Variants in GRK5 observed in about 807,000 individuals in gnomAD.
The protein encoded by GRK5 is g protein-coupled receptor kinase GRK5.
A neutral mutation model predicts 78.4 loss-of-function variants in GRK5; 40 were observed. The ratio of observed to expected loss-of-function variants is 0.51; its 90% CI spans 0.40 to 0.66. The LOEUF (loss-of-function observed/expected upper bound fraction) is 0.66, where lower values mean the gene tolerates loss of function less well. Ranked by LOEUF, GRK5 falls within the 30% of genes least tolerant of loss-of-function variation. GRK5 has a pLI of 0.00. For synonymous variants in GRK5, 289 were observed against 296.8 expected, an observed-to-expected ratio of 0.97 and a Z score of 0.27; for missense variants, 598 against 759.9, an observed-to-expected ratio of 0.79 and a Z score of 2.50.
intron 6 of GRK5, among the ~76,000 whole-genome samples, chr10:119,427,224 C>T (rs1439236811): frequency 2.5e-5 from 3 of 121,152 alleles, no homozygotes; most frequent in Non-Finnish European, 3.6e-5. Context: ...TCACTGCCTT[C>T]ATCAACATCA....
intron 2 of GRK5, among the ~76,000 whole-genome samples, chr10:119,351,970 A>G (rs1424090222): frequency 6.6e-6 from 1 of 152,198 alleles, no homozygotes; most frequent in East Asian, 1.9e-4. Context: ...CAATTGATCA[A>G]ATTAAAAAGT....
At chr10:119,347,498 C>T (rs1346258701) in intron 2 of GRK5, among the ~76,000 whole-genome samples, 3 of 152,224 alleles carry the variant, frequency 2.0e-5, no homozygotes, top group Admixed American at 1.3e-4. Flanking sequence ...TGTGTGTGCA[C>T]GCCCATCACC....
chr10:119,349,044 C>T (rs902247319), intron 2 of GRK5, among the ~76,000 whole-genome samples: 2 of 152,152 alleles, frequency 1.3e-5, no homozygotes, highest in Non-Finnish European at 2.9e-5. Context: ...CCTCCTCCCA[C>T]CCACCGTGGC....
chr10:119,375,991 G>A (rs570544219), intron 2 of GRK5, among the ~76,000 whole-genome samples: 21 of 152,288 alleles, frequency 1.4e-4, no homozygotes, highest in South Asian at 8.3e-4. Context: ...TGGACTGCAC[G>A]TGAATCATTT....
intron 2 of GRK5, among the ~76,000 whole-genome samples, chr10:119,376,737 T>A (rs1234691273): frequency 6.6e-6 from 1 of 152,034 alleles, no homozygotes; most frequent in Non-Finnish European, 1.5e-5. Context: ...GCTAATTATT[T>A]TGTATTTTTA....
At chr10:119,381,033 A>G (rs1851702409) in intron 3 of GRK5, 106 bp downstream of exon 3, 2 of 672,648 alleles carry the variant, frequency 3.0e-6, no homozygotes, top group Middle Eastern at 2.6e-4. Context: ...TGAGGAATAA[A>G]CTCACTGCTT....
intron 1 of GRK5, among the ~76,000 whole-genome samples, chr10:119,268,083 G>A (rs895914155): frequency 2.1e-4 from 32 of 152,270 alleles, no homozygotes; most frequent in African/African-American, 7.2e-4. Context: ...AGGTAGAGAC[G>A]GCTGGCACTC....
chr10:119,394,350 G>A lies in GRK5; in HGVS notation c.262-2345G>A, dbSNP rs1408284409. Among the ~76,000 whole-genome samples, 2 of 110,268 alleles carry A rather than the reference G, an allele frequency of 1.8e-5. 1 individual carries two copies. Among genetic ancestry groups the A allele is most frequent in the Non-Finnish European group, 4.0e-5 (2 of 49,986 alleles). 72.3% of individuals were successfully genotyped at this position (110,268 alleles called of 152,430 possible). ...TATCTGTGTGTCTGTGTGTGGGCAT[G>A]TGGGTGTGTGGGTGTGTGTGGGTGT... is the stretch of plus-strand genomic sequence containing the variant. On this transcript the variant is annotated intron_variant, in intron 3 of 15. Coordinates refer to ENST00000392870, the MANE Select transcript of GRK5 (RefSeq NM_005308.3).
intron 1 of GRK5, among the ~76,000 whole-genome samples, chr10:119,321,388 G>A (rs1047553880): frequency 6.6e-5 from 10 of 152,158 alleles, no homozygotes; most frequent in African/African-American, 2.2e-4. Flanking sequence ...CGCACTCTCA[G>A]TGAGTTAAAG....
At chr10:119,405,198 G>C (rs1017203885) in intron 4 of GRK5, among the ~76,000 whole-genome samples, 2 of 152,138 alleles carry the variant, frequency 1.3e-5, no homozygotes, top group South Asian at 4.1e-4. Context: ...GGACAAGGGG[G>C]TGGACAGGTG....
At chr10:119,383,039 A>C (rs1204986428) in intron 3 of GRK5, among the ~76,000 whole-genome samples, 1 of 152,012 alleles carries the variant, frequency 6.6e-6, no homozygotes, top group East Asian at 1.9e-4. Context: ...CTCCTGCCTC[A>C]GCCTCCCGAG....
intron 1 of GRK5, among the ~76,000 whole-genome samples, chr10:119,246,393 A>C (rs548212871): frequency 6.0e-4 from 92 of 152,168 alleles, no homozygotes; most frequent in African/African-American, 1.7e-3. Context: ...AAGAGTTTTC[A>C]GTTGGAGGGT....
At chr10:119,332,144 T>C (rs1480933759) in intron 2 of GRK5, among the ~76,000 whole-genome samples, 1 of 151,650 alleles carries the variant, frequency 6.6e-6, no homozygotes, top group East Asian at 1.9e-4. Flanking sequence ...TTTGACTCTG[T>C]CGCTCAGGCT....
rs1848410765 is a variant in GRK5, at chr10:119,207,823, C to A, written c.-95C>A. On this transcript the variant is annotated 5_prime_UTR_variant, in exon 1 of 16. Coordinates refer to ENST00000392870, the MANE Select transcript of GRK5 (RefSeq NM_005308.3). ...CTGCTGGCTCCCCCGGCTCCGGCAGCAGCGGCGGCAGCCCGAGCAGCGGCA... is the reference window on the plus strand; with the variant it reads ...CTGCTGGCTCCCCCGGCTCCGGCAGAAGCGGCGGCAGCCCGAGCAGCGGCA... 3.3e-6 allele frequency: 4 copies of A among 1,220,020 alleles called. No homozygotes were observed. The highest frequency in any genetic ancestry group is 4.5e-6 in the Non-Finnish European group (4 of 879,944). 75.6% of individuals were successfully genotyped at this position (1,220,020 alleles called of 1,614,324 possible). A position where few individuals can be genotyped will look rare whatever the true frequency, so the allele number is the denominator to read the frequency against.
At chr10:119,422,272 A>C (rs932958157) in intron 4 of GRK5, among the ~76,000 whole-genome samples, 1 of 152,186 alleles carries the variant, frequency 6.6e-6, no homozygotes, top group Non-Finnish European at 1.5e-5. Flanking sequence ...GGTAGGACAC[A>C]GCAACTCTCT....
At chr10:119,382,324 C>G (rs998529095) in intron 3 of GRK5, among the ~76,000 whole-genome samples, 2 of 152,056 alleles carry the variant, frequency 1.3e-5, no homozygotes, top group African/African-American at 2.4e-5. Flanking sequence ...GTTAGAAACA[C>G]CTGGGGAGCC....
intron 1 of GRK5, among the ~76,000 whole-genome samples, chr10:119,227,361 G>A (rs1589689901): frequency 6.6e-6 from 1 of 152,268 alleles, no homozygotes; most frequent in South Asian, 2.1e-4. Context: ...GAGCCCAGGA[G>A]TTTGAGACCA....
At chr10:119,272,850 C>T (rs1849606715) in intron 1 of GRK5, among the ~76,000 whole-genome samples, 1 of 152,136 alleles carries the variant, frequency 6.6e-6, no homozygotes, top group African/African-American at 2.4e-5. Flanking sequence ...CACTTGTTCT[C>T]GCATTGATAG....
chr10:119,401,275 G>A (rs1358234724), intron 4 of GRK5, among the ~76,000 whole-genome samples: 1 of 152,190 alleles, frequency 6.6e-6, no homozygotes, highest in Non-Finnish European at 1.5e-5. Context: ...CCCTCACCAC[G>A]GAGGACGCCC....
Sources: allele counts gnomAD v4.1 joint callset (sites outside exome capture counted in the v4.1 genomes callset), GRCh38; gene constraint gnomAD v4.1.1; transcripts MANE v1.5; gene names NCBI Gene and HGNC (gene_info 2026-07-23, HGNC 2026-07-21).